The following RTL4 variants were observed in gnomAD, a reference collection of about 807,000 sequenced individuals.
RTL4 encodes retrotransposon Gag-like protein 4.
A neutral mutation model predicts 5.3 loss-of-function variants in RTL4; 4 were observed. The ratio of observed to expected loss-of-function variants is 0.75; its 90% CI spans 0.37 to 1.72. The LOEUF is 1.72. RTL4 is among the 40% of genes most tolerant of loss of function. The pLI, the probability that RTL4 is intolerant of heterozygous loss-of-function variation, is 0.04. For missense variants in RTL4, 260 were observed against 227.1 expected, an observed-to-expected ratio of 1.14 and a Z score of -0.93; for synonymous variants, 98 against 87.3, an observed-to-expected ratio of 1.12 and a Z score of -0.68.
At chrX:112,259,388 A>G in the RTL4 span, among the ~76,000 whole-genome samples, 1 of 111,312 alleles carries the variant, frequency 9.0e-6, no homozygotes, top group African/African-American at 3.2e-5. Context: ...TATAATTTCT[A>G]ACAATATGAA....
At chrX:112,407,399 G>T in the RTL4 span, among the ~76,000 whole-genome samples, 1 of 111,581 alleles carries the variant, frequency 9.0e-6, no homozygotes, top group East Asian at 2.9e-4. Flanking sequence ...CAGTAACCAT[G>T]GAGTGAGGCT....
the RTL4 span, among the ~76,000 whole-genome samples, chrX:112,275,467 G>T: frequency 9.0e-6 from 1 of 111,659 alleles, no homozygotes; most frequent in African/African-American, 3.3e-5. Flanking sequence ...AAGAGCATCA[G>T]CAATGAAGGC....
chrX:112,402,400 TTGTGTGTG>T, the RTL4 span, among the ~76,000 whole-genome samples: 1,081 of 87,394 alleles, frequency 0.012, 5 homozygotes, highest in East Asian at 0.029. Flanking sequence ...GGAATTATTA[TTGTGTGTG>T]TGTGTGTGTG....
At chrX:112,131,902 T>C in the RTL4 span, among the ~76,000 whole-genome samples, 44 of 112,153 alleles carry the variant, frequency 3.9e-4, no homozygotes, top group African/African-American at 1.3e-3. Context: ...ACTATTATGT[T>C]CCTGTTTACC....
chrX:112,417,700 T>C, the RTL4 span, among the ~76,000 whole-genome samples: 1 of 111,256 alleles, frequency 9.0e-6, no homozygotes, highest in Non-Finnish European at 1.9e-5. Flanking sequence ...TTTGGTGTTA[T>C]CTACTTGACC....
At chrX:112,239,934 C>G in the RTL4 span, among the ~76,000 whole-genome samples, 1 of 111,387 alleles carries the variant, frequency 9.0e-6, no homozygotes, top group Non-Finnish European at 1.9e-5. Flanking sequence ...CTCATTATAC[C>G]AAGAACCAGG....
At chrX:112,452,498 G>A (rs1378393813), upstream of RTL4, among the ~76,000 whole-genome samples, 1 of 109,901 alleles carries the variant, frequency 9.1e-6, no homozygotes, top group East Asian at 2.9e-4. Flanking sequence ...GGACATCTGG[G>A]AAGTGGTAGA....
the RTL4 span, among the ~76,000 whole-genome samples, chrX:112,399,940 A>G: frequency 9.0e-6 from 1 of 111,566 alleles, no homozygotes. Flanking sequence ...ACTCTACTGT[A>G]TTCTTCTGGT....
chrX:112,132,130 T>C, the RTL4 span, among the ~76,000 whole-genome samples: 21 of 111,542 alleles, frequency 1.9e-4, no homozygotes, highest in Admixed American at 9.5e-5. Context: ...AACAGGTTAA[T>C]AGACAAAAAC....
the RTL4 span, among the ~76,000 whole-genome samples, chrX:112,430,725 G>A: frequency 2.7e-5 from 3 of 111,160 alleles, no homozygotes; most frequent in Non-Finnish European, 5.7e-5. Context: ...ATTACAGCTG[G>A]GATTACAGGT....
the RTL4 span, among the ~76,000 whole-genome samples, chrX:112,171,534 T>A: frequency 8.9e-5 from 10 of 111,848 alleles, no homozygotes; most frequent in Non-Finnish European, 1.9e-4. Flanking sequence ...TTTTCTAGTT[T>A]ATATGCACAG....
chrX:112,242,153 T>G, the RTL4 span, among the ~76,000 whole-genome samples: 30 of 111,945 alleles, frequency 2.7e-4, no homozygotes, highest in African/African-American at 8.4e-4. Flanking sequence ...TTGTTCTTTT[T>G]GCTTAGTATT....
chrX:112,222,640 G>A, the RTL4 span, among the ~76,000 whole-genome samples: 1 of 111,115 alleles, frequency 9.0e-6, no homozygotes, highest in Admixed American at 9.6e-5. Context: ...GGCTGAGGCG[G>A]GAGGATCACT....
At chrX:112,098,779 G>A in the RTL4 span, among the ~76,000 whole-genome samples, 2 of 111,596 alleles carry the variant, frequency 1.8e-5, no homozygotes, top group African/African-American at 3.3e-5. Context: ...AACAAGAAAT[G>A]GGGAAACGAT....
At chrX:112,385,111 A>T in the RTL4 span, among the ~76,000 whole-genome samples, 1 of 111,493 alleles carries the variant, frequency 9.0e-6, no homozygotes, top group Non-Finnish European at 1.9e-5. Flanking sequence ...CAAGTCTTTC[A>T]TCAGATATCT....
the RTL4 span, among the ~76,000 whole-genome samples, chrX:112,369,187 T>C: frequency 0.015 from 1,717 of 112,963 alleles, 36 homozygotes; most frequent in African/African-American, 0.052. Context: ...GCCCTACTTA[T>C]ATAGCTTTAG....
At chrX:112,430,576 C>T in the RTL4 span, among the ~76,000 whole-genome samples, 1 of 111,240 alleles carries the variant, frequency 9.0e-6, no homozygotes, top group Admixed American at 9.6e-5. Context: ...GTTTTCTTCA[C>T]GATGTGTTAT....
chrX:112,224,270 A>G, the RTL4 span, among the ~76,000 whole-genome samples: 1 of 110,842 alleles, frequency 9.0e-6, no homozygotes, highest in African/African-American at 3.3e-5. Flanking sequence ...TTTTTGCATT[A>G]TGAATAATAA....
the RTL4 span, among the ~76,000 whole-genome samples, chrX:112,278,327 G>A: frequency 1.8e-5 from 2 of 111,741 alleles, no homozygotes; most frequent in Non-Finnish European, 3.8e-5. Context: ...TTATATGTTG[G>A]CAGTTTCTAA....
Sources: allele counts gnomAD v4.1 joint callset (sites outside exome capture counted in the v4.1 genomes callset), GRCh38; gene constraint gnomAD v4.1.1; transcripts MANE v1.5; gene names NCBI Gene and HGNC (gene_info 2026-07-23, HGNC 2026-07-21).